CASQ2: variants seen among roughly 807,000 people sequenced by gnomAD.
The protein encoded by CASQ2 is calsequestrin 2.
A neutral mutation model predicts 46.5 loss-of-function variants in CASQ2; 49 were observed. That is an observed-to-expected ratio of 1.05 (90% CI 0.84 to 1.34). CASQ2 has a LOEUF of 1.34. CASQ2 is among the 40% of genes most tolerant of loss of function. The pLI, the probability that CASQ2 is intolerant of heterozygous loss-of-function variation, is 0.00. For missense variants in CASQ2, 486 were observed against 481.3 expected (o/e 1.01, Z -0.09); for synonymous variants, 174 against 168.5 (o/e 1.03, Z -0.25).
At chr1:115,742,276 C>T (rs1001691018) in intron 2 of CASQ2, among the ~76,000 whole-genome samples, 9 of 151,694 alleles carry the variant, frequency 5.9e-5, no homozygotes, top group African/African-American at 1.9e-4. Context: ...CGTGTCTGGC[C>T]CTGCCAGATT....
chr1:115,726,163 T>C (rs1029643610), intron 6 of CASQ2, among the ~76,000 whole-genome samples: 24 of 152,194 alleles, frequency 1.6e-4, no homozygotes, highest in Non-Finnish European at 2.6e-4. Context: ...ATCACAGTAC[T>C]GCAGGTCCAA....
chr1:115,747,186 G>A (rs1419449003), intron 1 of CASQ2, among the ~76,000 whole-genome samples: 1 of 151,146 alleles, frequency 6.6e-6, no homozygotes, highest in Non-Finnish European at 1.5e-5. Context: ...TTCTTTTTTT[G>A]CCAATAGATG....
chr1:115,730,007 G>A (rs1161676559), intron 5 of CASQ2, among the ~76,000 whole-genome samples: 1 of 152,142 alleles, frequency 6.6e-6, no homozygotes, highest in Admixed American at 6.5e-5. Flanking sequence ...ACCATCCTTG[G>A]CCCTCTGACA....
At chr1:115,722,477 ACAGGCT>A (rs1647413974) in intron 7 of CASQ2, among the ~76,000 whole-genome samples, 1 of 152,180 alleles carries the variant, frequency 6.6e-6, no homozygotes, top group African/African-American at 2.4e-5. Context: ...ATGTGAGGAC[ACAGGCT>A]CCCCATCTAC....
Position 115,705,049 on chromosome 1 carries a change from A to C in CASQ2, c.939+143T>G, listed in dbSNP as rs1167534565. On this transcript the variant is annotated intron_variant, in intron 9 of 10. Transcript: ENST00000261448. ...CAGGCCCCAAGTTCAATACTGCCCC[A>C]AGGGCCAAGACCTCCCACACTGGGT... 30 of 714,114 alleles carry C rather than the reference A, an allele frequency of 4.2e-5. No homozygotes were observed. In the East Asian group the frequency reaches 7.2e-4, roughly 17 times the overall value. 44.2% of individuals were successfully genotyped at this position (714,114 alleles called of 1,614,324 possible).
intron 7 of CASQ2, among the ~76,000 whole-genome samples, chr1:115,721,577 T>G (rs957942521): frequency 1.3e-5 from 2 of 152,098 alleles, no homozygotes; most frequent in African/African-American, 4.8e-5. Flanking sequence ...ATAAAGACCT[T>G]TCTTTTTCTT....
intron 1 of CASQ2, among the ~76,000 whole-genome samples, chr1:115,749,978 C>T (rs1648522665): frequency 6.6e-6 from 1 of 152,224 alleles, no homozygotes; most frequent in Non-Finnish European, 1.5e-5. Flanking sequence ...ATTGTGTAAT[C>T]ATTAGAGTTG....
chr1:115,751,671 TAAAA>T (rs10542263), intron 1 of CASQ2, among the ~76,000 whole-genome samples: 90,814 of 148,470 alleles, frequency 0.61, 28,184 homozygotes, highest in Non-Finnish European at 0.68. Context: ...GCCTCCATCT[TAAAA>T]AAAAAAAAAA....
Position 115,703,005 on chromosome 1 carries a change from C to CA in CASQ2, c.940-11dup. 6.2e-7 allele frequency: 1 copy of CA among 1,608,810 alleles called. No individual in the cohort carries two copies. ...CCCAGTAGGCAACGAGCTGCAGCAA[C>CA]AAAAAAATAAGATTAGACAGCAGGC... is the stretch of plus-strand genomic sequence containing the variant. On this transcript the variant is annotated splice_polypyrimidine_tract_variant and intron_variant, in intron 9 of 10. Transcript: ENST00000261448.
chr1:115,750,341 A>G (rs1223246747), intron 1 of CASQ2, among the ~76,000 whole-genome samples: 1 of 152,194 alleles, frequency 6.6e-6, no homozygotes, highest in Admixed American at 6.5e-5. Context: ...CCTCTCAGAT[A>G]GTCCATCCTA....
intron 8 of CASQ2, among the ~76,000 whole-genome samples, chr1:115,710,760 T>G (rs923345164): frequency 3.3e-5 from 5 of 152,120 alleles, no homozygotes; most frequent in Non-Finnish European, 7.3e-5. Context: ...CCTGGAGCTG[T>G]GAGAACTGCA....
intron 2 of CASQ2, among the ~76,000 whole-genome samples, chr1:115,743,052 T>C (rs1188351031): frequency 2.6e-5 from 4 of 152,146 alleles, no homozygotes; most frequent in Non-Finnish European, 4.4e-5. Context: ...CCTCCCAAAG[T>C]GCTGGGATTA....
At chr1:115,712,145 A>G (rs1393445826) in intron 8 of CASQ2, among the ~76,000 whole-genome samples, 1 of 152,192 alleles carries the variant, frequency 6.6e-6, no homozygotes, top group Non-Finnish European at 1.5e-5. Context: ...ATCCTTTGGG[A>G]AACCTCAGAG....
intron 8 of CASQ2, among the ~76,000 whole-genome samples, chr1:115,711,992 C>A (rs187352165): frequency 1.3e-5 from 2 of 152,276 alleles, no homozygotes; most frequent in East Asian, 3.9e-4. Context: ...TGAGTTCCCA[C>A]AACATCTTAA....
chr1:115,749,013 C>A (rs1034853610), intron 1 of CASQ2, among the ~76,000 whole-genome samples: 1 of 152,158 alleles, frequency 6.6e-6, no homozygotes, highest in African/African-American at 2.4e-5. Context: ...CACTACCACA[C>A]CCCATTATTC....
intron 4 of CASQ2, 80 bp downstream of exon 4, chr1:115,738,144 T>A: frequency 1.2e-6 from 1 of 851,246 alleles, no homozygotes; most frequent in Admixed American, 1.7e-5. Context: ...TGAAGACCCA[T>A]CCTCTTTTGG....
intron 1 of CASQ2, among the ~76,000 whole-genome samples, chr1:115,761,484 GA>G (rs1557806807): frequency 2.1e-4 from 6 of 27,926 alleles, no homozygotes; most frequent in African/African-American, 4.8e-4. Flanking sequence ...AGAAGAAGAA[GA>G]AGGAGAAGAA....
At chr1:115,736,654 T>G (rs767693026) in intron 4 of CASQ2, among the ~76,000 whole-genome samples, 2 of 152,114 alleles carry the variant, frequency 1.3e-5, no homozygotes, top group Non-Finnish European at 2.9e-5. Context: ...AGCTATATTC[T>G]TGAGGCAAGC....
intron 5 of CASQ2, among the ~76,000 whole-genome samples, chr1:115,728,324 A>G (rs918253351): frequency 6.6e-6 from 1 of 152,210 alleles, no homozygotes; most frequent in Non-Finnish European, 1.5e-5. Flanking sequence ...TAAGGGAGAG[A>G]AATTCCAGCA....
Sources: allele counts gnomAD v4.1 joint callset (sites outside exome capture counted in the v4.1 genomes callset), GRCh38; gene constraint gnomAD v4.1.1; transcripts MANE v1.5; gene names NCBI Gene and HGNC (gene_info 2026-07-23, HGNC 2026-07-21).